Variants in DPP6 observed in about 807,000 individuals in gnomAD.
DPP6 encodes dipeptidyl peptidase like 6, also known as A-type potassium channel modulatory protein DPP6.
DPP6 carries 69 observed loss-of-function variants against 122.6 expected under a neutral mutation model. The observed-to-expected ratio is 0.56, with a 90% CI of 0.46 to 0.69. The LOEUF (loss-of-function observed/expected upper bound fraction) is 0.69. DPP6 is among the 30% of genes least tolerant of loss of function. The probability of loss-of-function intolerance (pLI) is 0.00; values close to 1 mark genes in which losing one functional copy is unlikely to be tolerated. For synonymous variants in DPP6, 418 were observed against 433.1 expected, an observed-to-expected ratio of 0.97 and a Z score of 0.43; for missense variants, 928 against 1,116.9, an observed-to-expected ratio of 0.83 and a Z score of 2.41.
Position 154,876,093 on chromosome 7 carries a change from G to T in DPP6, c.2071G>T (p.Ala691Ser). 6.3e-7 allele frequency: 1 copy of T among 1,588,770 alleles called. No individual in the cohort carries two copies. Residue 691 changes from alanine (A) to serine (S), a missense_variant, in exon 20 of 26, where the codon GCC becomes TCC. Coordinates refer to ENST00000377770, the MANE Select transcript of DPP6 (RefSeq NM_130797.4). ...GLLEEKDQME[A>S]VRTMLKEQYI... ...GCTGGAGGAGAAGGACCAGATGGAG[G>T]CCGTGCGGTGAGCACCCGCCCAGGA...
intron 16 of DPP6, among the ~76,000 whole-genome samples, chr7:154,809,907 C>A (rs1227841738): frequency 6.6e-6 from 1 of 152,156 alleles, no homozygotes; most frequent in Non-Finnish European, 1.5e-5. Context: ...TCTTGCTCTG[C>A]CGCCCAGGCT....
chr7:154,252,764 G>A (rs1802430397), intron 1 of DPP6, among the ~76,000 whole-genome samples: 1 of 152,192 alleles, frequency 6.6e-6, no homozygotes, highest in South Asian at 2.1e-4. Context: ...AAAGTGAATT[G>A]TCTTTGCCAA....
the DPP6 span, among the ~76,000 whole-genome samples, chr7:153,809,184 C>T: frequency 6.6e-6 from 1 of 152,058 alleles, no homozygotes; most frequent in Admixed American, 6.5e-5. Context: ...GTTGCATCTC[C>T]GTATGTCTTC....
At chr7:154,722,995 T>TCA (rs1256823659) in intron 7 of DPP6, among the ~76,000 whole-genome samples, 2 of 152,150 alleles carry the variant, frequency 1.3e-5, no homozygotes, top group African/African-American at 4.8e-5. Context: ...GCACAGTGGC[T>TCA]TATGCCTGTA....
chr7:154,762,532 G>T (rs565169079), intron 8 of DPP6, among the ~76,000 whole-genome samples: 5 of 152,204 alleles, frequency 3.3e-5, no homozygotes, highest in Admixed American at 1.3e-4. Flanking sequence ...ACGGCCTTCC[G>T]CAGTAGTTGA....
intron 6 of DPP6, among the ~76,000 whole-genome samples, chr7:154,640,996 A>G (rs1281104134): frequency 6.6e-6 from 1 of 151,962 alleles, no homozygotes; most frequent in African/African-American, 2.4e-5. Flanking sequence ...CCAGCCAGAG[A>G]AAATGGTCTA....
At chr7:153,986,444 T>G (rs548158484) in intron 1 of DPP6, among the ~76,000 whole-genome samples, 112 of 152,250 alleles carry the variant, frequency 7.4e-4, no homozygotes, top group Non-Finnish European at 1.4e-3. Flanking sequence ...AAGTATTTGC[T>G]TAGATCTTAC....
intron 1 of DPP6, among the ~76,000 whole-genome samples, chr7:154,401,223 A>T (rs561562350): frequency 2.6e-5 from 4 of 151,936 alleles, no homozygotes; most frequent in Non-Finnish European, 5.9e-5. Context: ...AAAACAAAAA[A>T]AAAACAGGTA....
In DPP6 at chr7:154,602,992, GTT is replaced by G. The variant is rs141722649; in HGVS notation, c.628-34823_628-34822del. Among the ~76,000 whole-genome samples, 2 of 117,366 alleles carry G rather than the reference GTT, an allele frequency of 1.7e-5. 1 individual carries two copies. The highest frequency in any genetic ancestry group is 3.8e-5 in the Non-Finnish European group (2 of 52,516). 77.0% of individuals were successfully genotyped at this position (117,366 alleles called of 152,430 possible). ...AATTATTTCGCTTTCATTTTTTAAA[GTT>G]TTTTTGCTACATAAAGAATTTCAGG... On this transcript the variant is annotated intron_variant, in intron 5 of 25. Transcript: ENST00000377770.
intron 1 of DPP6, among the ~76,000 whole-genome samples, chr7:154,108,627 G>A (rs193224893): frequency 3.3e-5 from 5 of 152,158 alleles, no homozygotes; most frequent in South Asian, 2.1e-4. Flanking sequence ...CTTTCAGTGC[G>A]TAACAAACAC....
At chr7:154,178,804 T>G (rs1241003074) in intron 1 of DPP6, among the ~76,000 whole-genome samples, 1 of 152,170 alleles carries the variant, frequency 6.6e-6, no homozygotes, top group Non-Finnish European at 1.5e-5. Flanking sequence ...TTGAAGAGCC[T>G]TTAGACTAGA....
chr7:154,005,548 G>A (rs1356444630), intron 1 of DPP6, among the ~76,000 whole-genome samples: 1 of 151,830 alleles, frequency 6.6e-6, no homozygotes, highest in Non-Finnish European at 1.5e-5. Context: ...TTTCAGGCTG[G>A]AAGAAAGTAG....
intron 1 of DPP6, among the ~76,000 whole-genome samples, chr7:154,229,493 C>T (rs1469711180): frequency 1.3e-5 from 2 of 152,142 alleles, no homozygotes; most frequent in African/African-American, 2.4e-5. Flanking sequence ...TTTGTTTTTG[C>T]TGTTAATTAT....
At chr7:153,823,270 G>C in the DPP6 span, among the ~76,000 whole-genome samples, 1 of 151,910 alleles carries the variant, frequency 6.6e-6, no homozygotes, top group African/African-American at 2.4e-5. Context: ...ACGGAGGGGA[G>C]AAGCTACACC....
At chr7:153,955,859 C>T (rs1802436474) in intron 1 of DPP6, among the ~76,000 whole-genome samples, 1 of 152,168 alleles carries the variant, frequency 6.6e-6, no homozygotes, top group Non-Finnish European at 1.5e-5. Flanking sequence ...TCAGAGTCTA[C>T]ACTCTTAACC....
At chr7:154,482,701 C>T (rs541998461) in intron 3 of DPP6, among the ~76,000 whole-genome samples, 31 of 152,196 alleles carry the variant, frequency 2.0e-4, no homozygotes, top group South Asian at 1.0e-3. Context: ...TAGTATTTCA[C>T]GATATTAATG....
At chr7:154,437,820 G>A (rs568190997) in intron 1 of DPP6, among the ~76,000 whole-genome samples, 25 of 152,038 alleles carry the variant, frequency 1.6e-4, no homozygotes, top group East Asian at 1.4e-3. Flanking sequence ...CCTGTAATCC[G>A]TGTTACTTGG....
At chr7:154,677,846 C>A (rs896531318) in intron 7 of DPP6, among the ~76,000 whole-genome samples, 6 of 152,152 alleles carry the variant, frequency 3.9e-5, no homozygotes, top group African/African-American at 1.4e-4. Flanking sequence ...CCCAGGCCAC[C>A]TCCTCAGCCT....
intron 1 of DPP6, among the ~76,000 whole-genome samples, chr7:154,157,070 G>T (rs866548134): frequency 1.3e-5 from 2 of 152,354 alleles, no homozygotes; most frequent in South Asian, 2.1e-4. Context: ...GATGTGTGAG[G>T]TTCTTTCAAA....
Sources: gnomAD v4.1 joint callset for allele counts (sites outside exome capture counted in the v4.1 genomes callset) on GRCh38, gnomAD v4.1.1 for gene constraint, MANE v1.5 for transcripts, NCBI Gene and HGNC (gene_info 2026-07-23, HGNC 2026-07-21) for gene names.